The following CHAT variants were observed in gnomAD, a reference collection of about 807,000 sequenced individuals.
The protein encoded by CHAT is acetyl CoA:choline O-acetyltransferase.
Under a neutral mutation model 76.9 loss-of-function variants are expected in CHAT, and 61 were observed. That is an observed-to-expected ratio of 0.79 (90% CI 0.65 to 0.98). CHAT has a LOEUF of 0.98. Among genes scored for constraint, CHAT ranks in the 50% least tolerant of loss-of-function variants. CHAT has a pLI of 0.00. For synonymous variants in CHAT, 407 were observed against 397.4 expected (o/e 1.02, Z -0.29); for missense variants, 946 against 986.9 (o/e 0.96, Z 0.56).
rs8178992 is a variant in CHAT, at chr10:49,655,101, T to A, written c.1641T>A (p.His547Gln). 4 of 1,613,990 alleles carry A rather than the reference T, an allele frequency of 2.5e-6. No individual in the cohort carries two copies. In the South Asian group the frequency reaches 3.3e-5, roughly 13 times the overall value. The change falls in exon 12 of 15, where the codon CAT (histidine) becomes CAA (glutamine). Residue 547 changes from histidine to glutamine, a missense_variant. Around this residue, in one of 3 missense-constraint regions of CHAT, gnomAD observed 349 missense variants for 393.9 expected, o/e 0.89. Coordinates refer to ENST00000337653, the MANE Select transcript of CHAT (RefSeq NM_020549.5). ...CATCCTTCATCCCACGCAGGCTCCA[T>A]CGAAGACTGGTGCCCACCTACGAGA... is the stretch of plus-strand genomic sequence containing the variant. ...VALQLAFYRL[H>Q]RRLVPTYESA...
intron 11 of CHAT, 57 bp from the exon 12 acceptor site, chr10:49,655,038 G>A (rs1391644838): frequency 3.3e-5 from 53 of 1,603,438 alleles, no homozygotes; most frequent in Non-Finnish European, 4.3e-5. Flanking sequence ...TTCTTTCCGA[G>A]TTTATGATTT....
In CHAT at chr10:49,648,702, T is replaced by C. The variant is rs1839765089; in HGVS notation, c.1382+95T>C. The C allele has an allele frequency of 6.6e-6, 5 of 762,988 alleles. No homozygotes were observed. In the East Asian group the frequency reaches 8.1e-5, roughly 12 times the overall value. 47.3% of individuals were successfully genotyped at this position (762,988 alleles called of 1,614,324 possible). On this transcript the variant is annotated intron_variant, in intron 9 of 14. Transcript: ENST00000337653. ...GTCTGGAAAGCGTCTTAACAAAAGA[T>C]GAATTTGAAAAAAATGTGTACTATA...
intron 5 of CHAT, 72 bp from the exon 6 acceptor site, chr10:49,625,401 A>G: frequency 6.9e-7 from 1 of 1,440,614 alleles, no homozygotes; most frequent in Non-Finnish European, 9.6e-7. Flanking sequence ...TTACAATAAA[A>G]CCCATTCTCT....
At chr10:49,653,835 C>T (rs906221632) in intron 11 of CHAT, among the ~76,000 whole-genome samples, 6 of 152,236 alleles carry the variant, frequency 3.9e-5, no homozygotes, top group Non-Finnish European at 8.8e-5. Context: ...CTGCTCGGGA[C>T]CTCTCTACTA....
chr10:49,622,736 T>C (rs1245613733), intron 5 of CHAT, among the ~76,000 whole-genome samples: 2 of 152,146 alleles, frequency 1.3e-5, no homozygotes, highest in African/African-American at 2.4e-5. Flanking sequence ...AGGTAGAGAC[T>C]ATAAGGGCAT....
At chr10:49,664,249 T>C (rs1419684620) in intron 14 of CHAT, among the ~76,000 whole-genome samples, 2 of 152,172 alleles carry the variant, frequency 1.3e-5, no homozygotes, top group Non-Finnish European at 2.9e-5. Context: ...CTGATGGCAA[T>C]CTTTGAAACA....
rs887033361 is a variant in CHAT, at chr10:49,666,607, A to G, written c.*1561A>G. Reference sequence around the variant, plus strand: ...GACCTGGACTGTCACAGGCTGGCAGAGGTGGGGTGGGCATTTGACCTTTGC... The same window carrying G: ...GACCTGGACTGTCACAGGCTGGCAGGGGTGGGGTGGGCATTTGACCTTTGC... On this transcript the variant is annotated 3_prime_UTR_variant, in exon 15 of 15. Transcript: ENST00000337653. 3.3e-5 allele frequency among the ~76,000 whole-genome samples: 5 copies of G among 152,156 alleles called. No homozygotes were observed. Among genetic ancestry groups the G allele is most frequent in the Non-Finnish European group, 4.4e-5 (3 of 68,016 alleles).
chr10:49,654,306 G>C (rs1347699546), intron 11 of CHAT, among the ~76,000 whole-genome samples: 5 of 152,268 alleles, frequency 3.3e-5, no homozygotes, highest in Non-Finnish European at 1.5e-5. Flanking sequence ...GCCAGTGAGG[G>C]AGAGACATCC....
At chr10:49,645,850 G>A (rs1020929094) in intron 7 of CHAT, among the ~76,000 whole-genome samples, 1 of 152,164 alleles carries the variant, frequency 6.6e-6, no homozygotes. Flanking sequence ...CAGGCTTGGA[G>A]CTCCTTTGGA....
chr10:49,611,112 C>T (rs936258655), upstream of CHAT: 5 of 1,614,024 alleles, frequency 3.1e-6, no homozygotes, highest in African/African-American at 2.7e-5. Context: ...ACGTGAAGAT[C>T]GGGGTGCTGT....
chr10:49,646,830 G>A (rs1264760766), intron 8 of CHAT, among the ~76,000 whole-genome samples, 156 bp downstream of exon 8: 4 of 152,218 alleles, frequency 2.6e-5, no homozygotes, highest in Non-Finnish European at 5.9e-5. Context: ...GGTCTGAGGG[G>A]TCAGGAGAGC....
intron 3 of CHAT, among the ~76,000 whole-genome samples, chr10:49,620,120 G>A (rs1838650589): frequency 6.6e-6 from 1 of 152,184 alleles, no homozygotes; most frequent in East Asian, 1.9e-4. Context: ...ACAAGATGAG[G>A]AATGGGAAAT....
intron 7 of CHAT, among the ~76,000 whole-genome samples, chr10:49,628,831 G>A (rs182601016): frequency 1.9e-4 from 29 of 152,384 alleles, no homozygotes; most frequent in African/African-American, 7.0e-4. Context: ...GGCCCAGCAG[G>A]GACACACCCA....
intron 7 of CHAT, among the ~76,000 whole-genome samples, chr10:49,640,356 T>C (rs1428830830): frequency 6.6e-6 from 1 of 152,146 alleles, no homozygotes; most frequent in Admixed American, 6.5e-5. Context: ...TGGGATCTTA[T>C]TTAAGCTTGT....
At chr10:49,649,424 A>C in intron 9 of CHAT, 84 bp from the exon 10 acceptor site, 1 of 1,592,752 alleles carries the variant, frequency 6.3e-7, no homozygotes, top group Non-Finnish European at 8.6e-7. Flanking sequence ...ACTGACAGCT[A>C]AGATGATTGC....
At chr10:49,643,142 T>G (rs1297098676) in intron 7 of CHAT, among the ~76,000 whole-genome samples, 1 of 152,240 alleles carries the variant, frequency 6.6e-6, no homozygotes, top group East Asian at 1.9e-4. Context: ...AAATGAGGCA[T>G]GACAATGATA....
intron 7 of CHAT, among the ~76,000 whole-genome samples, chr10:49,633,955 G>A (rs944908683): frequency 6.6e-6 from 1 of 152,192 alleles, no homozygotes; most frequent in Non-Finnish European, 1.5e-5. Context: ...ACTCAGGATG[G>A]GGGCATTTTG....
chr10:49,627,786 G>A lies in CHAT; in HGVS notation c.1111+1G>A. 6.2e-7 allele frequency: 1 copy of A among 1,612,968 alleles called. No homozygotes were observed. The highest frequency in any genetic ancestry group is 1.1e-5 in the South Asian group (1 of 91,042). ...GAGGCCAGGACGGTCCTCGTGAAAG[G>A]TCAGCCGCAGTGCCCAGCACATCTC... On this transcript the variant is annotated splice_donor_variant, in intron 7 of 14. Coordinates refer to ENST00000337653, the MANE Select transcript of CHAT (RefSeq NM_020549.5). LOFTEE classifies it high-confidence loss of function.
chr10:49,617,065 A>G (rs756968653), intron 2 of CHAT, among the ~76,000 whole-genome samples: 5 of 152,064 alleles, frequency 3.3e-5, no homozygotes, highest in African/African-American at 7.2e-5. Flanking sequence ...CTGGGCAGGC[A>G]TCCTCCCTCC....
Sources: gnomAD v4.1 joint callset for allele counts (sites outside exome capture counted in the v4.1 genomes callset) on GRCh38, gnomAD v4.1.1 for gene constraint, gnomAD v4.1.1 regional missense constraint, MANE v1.5 for transcripts, NCBI Gene and HGNC (gene_info 2026-07-23, HGNC 2026-07-21) for gene names.